FNIP1: variants seen among roughly 807,000 people sequenced by gnomAD.
The protein encoded by FNIP1 is folliculin interacting protein 1, also known as folliculin-interacting protein 1.
Under a neutral mutation model 124.5 loss-of-function variants are expected in FNIP1, and 40 were observed. The ratio of observed to expected loss-of-function variants is 0.32; its 90% confidence interval spans 0.25 to 0.42. The LOEUF (loss-of-function observed/expected upper bound fraction) is 0.42, where lower values mean the gene tolerates loss of function less well. Among genes scored for constraint, FNIP1 ranks in the 10% least tolerant of loss-of-function variants. FNIP1 has a pLI of 1.00. For missense variants in FNIP1, 1,176 were observed against 1,403.7 expected, an observed-to-expected ratio of 0.84 and a Z score of 2.59; for synonymous variants, 472 against 470.6, an observed-to-expected ratio of 1.00 and a Z score of -0.04.
chr5:131,706,634 A>C lies in FNIP1; in HGVS notation c.779-88T>G, dbSNP rs560956505. 18 of 1,302,120 alleles carry C rather than the reference A, an allele frequency of 1.4e-5. 1 individual carries two copies. The highest frequency in any genetic ancestry group is 5.9e-5 in the Admixed American group (2 of 33,918). 80.7% of individuals were successfully genotyped at this position (1,302,120 alleles called of 1,614,324 possible). Reference sequence around the variant, plus strand: ...TTTTAACAAAATTACAAATAGGTTAAGTTAAACTTTATTTTGCTTCATGAG... The same window carrying C: ...TTTTAACAAAATTACAAATAGGTTACGTTAAACTTTATTTTGCTTCATGAG... On this transcript the variant is annotated intron_variant, in intron 8 of 17. Transcript: ENST00000510461.
intron 6 of FNIP1, among the ~76,000 whole-genome samples, chr5:131,715,062 T>G (rs1769420201): frequency 6.6e-6 from 1 of 152,262 alleles, no homozygotes; most frequent in Non-Finnish European, 1.5e-5. Context: ...AAGTAAATGT[T>G]GCTCATTATT....
chr5:131,783,863 C>T (rs1772076528), intron 1 of FNIP1, among the ~76,000 whole-genome samples: 1 of 152,084 alleles, frequency 6.6e-6, no homozygotes, highest in South Asian at 2.1e-4. Flanking sequence ...AGAACAAAGA[C>T]ATTTTCAGAC....
chr5:131,774,896 C>T (rs1374432099), intron 1 of FNIP1, among the ~76,000 whole-genome samples: 1 of 152,186 alleles, frequency 6.6e-6, no homozygotes, highest in East Asian at 1.9e-4. Flanking sequence ...AATGTTTCCT[C>T]ATGCTCTCTA....
chr5:131,683,161 A>G (rs148659810), intron 11 of FNIP1, among the ~76,000 whole-genome samples: 1 of 152,110 alleles, frequency 6.6e-6, no homozygotes. Flanking sequence ...TAAGAAGTAC[A>G]TTTATCTCTT....
At chr5:131,763,157 A>G (rs1461931179) in intron 1 of FNIP1, among the ~76,000 whole-genome samples, 1 of 152,214 alleles carries the variant, frequency 6.6e-6, no homozygotes, top group Non-Finnish European at 1.5e-5. Flanking sequence ...TAAAATAACT[A>G]AAAGTATAAT....
At chr5:131,755,447 A>G (rs1300945021) in intron 1 of FNIP1, among the ~76,000 whole-genome samples, 1 of 151,878 alleles carries the variant, frequency 6.6e-6, no homozygotes, top group East Asian at 1.9e-4. Flanking sequence ...AAGAAGAAGA[A>G]AAAGAAAAAG....
At chr5:131,704,018 G>T in intron 10 of FNIP1, 47 bp downstream of exon 10, 1 of 1,427,204 alleles carries the variant, frequency 7.0e-7, no homozygotes, top group South Asian at 1.3e-5. Context: ...TTAATTGGGA[G>T]AATAAGATTT....
intron 11 of FNIP1, among the ~76,000 whole-genome samples, chr5:131,693,348 A>ATATATATATG (rs1768575851): frequency 7.5e-6 from 1 of 133,642 alleles, no homozygotes; most frequent in Non-Finnish European, 1.6e-5. Flanking sequence ...ATATATATAT[A>ATATATATATG]TATATATATA....
At chr5:131,791,744 A>G (rs578259953) in intron 1 of FNIP1, among the ~76,000 whole-genome samples, 1 of 152,350 alleles carries the variant, frequency 6.6e-6, no homozygotes, top group Non-Finnish European at 1.5e-5. Flanking sequence ...TTCAAACAAA[A>G]CTACCATAAA....
At chr5:131,693,333 C>CGTAT (rs1768563364) in intron 11 of FNIP1, among the ~76,000 whole-genome samples, 1 of 50,124 alleles carries the variant, frequency 2.0e-5, no homozygotes, top group East Asian at 4.6e-4. Context: ...TATATATATA[C>CGTAT]ATATATATAT....
intron 3 of FNIP1, among the ~76,000 whole-genome samples, chr5:131,726,513 G>T (rs889299727): frequency 6.6e-6 from 1 of 151,676 alleles, no homozygotes; most frequent in Non-Finnish European, 1.5e-5. Flanking sequence ...GTATTTCTGT[G>T]GGATCAACAC....
At chr5:131,710,321 T>A (rs769707180) in intron 7 of FNIP1, among the ~76,000 whole-genome samples, 4 of 152,214 alleles carry the variant, frequency 2.6e-5, no homozygotes, top group Admixed American at 2.6e-4. Flanking sequence ...ATTCTGAAGT[T>A]AAAATCATTA....
intron 1 of FNIP1, among the ~76,000 whole-genome samples, chr5:131,762,696 A>C (rs1580818464): frequency 6.6e-6 from 1 of 152,292 alleles, no homozygotes; most frequent in East Asian, 1.9e-4. Flanking sequence ...AGGTTCCTCA[A>C]AAAAACTAAA....
chr5:131,742,685 T>C (rs1350398244), intron 2 of FNIP1, among the ~76,000 whole-genome samples: 1 of 152,234 alleles, frequency 6.6e-6, no homozygotes, highest in Non-Finnish European at 1.5e-5. Flanking sequence ...ATAATTTACT[T>C]TCATACAGCA....
intron 1 of FNIP1, among the ~76,000 whole-genome samples, chr5:131,759,370 T>G (rs1771151547): frequency 6.6e-6 from 1 of 151,958 alleles, no homozygotes; most frequent in African/African-American, 2.4e-5. Flanking sequence ...AGGTCTAATA[T>G]CCAGAATCTG....
chr5:131,708,761 C>G (rs1769196040), intron 8 of FNIP1, among the ~76,000 whole-genome samples: 1 of 151,236 alleles, frequency 6.6e-6, no homozygotes, highest in Non-Finnish European at 1.5e-5. Context: ...TTTGCTAGAC[C>G]TACAAATTTT....
chr5:131,660,310 G>A (rs1293213023), intron 15 of FNIP1, among the ~76,000 whole-genome samples: 1 of 152,150 alleles, frequency 6.6e-6, no homozygotes, highest in Non-Finnish European at 1.5e-5. Context: ...GTTCTGCTAA[G>A]GCACAGACAT....
Position 131,681,019 on chromosome 5 carries a change from C to A in FNIP1, c.1203-1844G>T, listed in dbSNP as rs534292113. 3.5e-4 allele frequency among the ~76,000 whole-genome samples: 54 copies of A among 152,194 alleles called. 1 individual carries two copies. In the South Asian group the frequency reaches 0.011, roughly 30 times the overall value. On this transcript the variant is annotated intron_variant, in intron 11 of 17. Transcript: ENST00000510461. The stretch of plus-strand genomic sequence containing the variant: ...TCATGACAGGAGTTACGATACAGTA[C>A]TGAAAATTGGGAGACTAATTCAAAG...
chr5:131,704,499 T>A (rs1004076273), intron 9 of FNIP1, among the ~76,000 whole-genome samples: 5 of 152,140 alleles, frequency 3.3e-5, no homozygotes, highest in African/African-American at 1.2e-4. Flanking sequence ...TTTTGTCCAA[T>A]TAGAAGTAAC....
Sources: gnomAD v4.1 joint callset for allele counts (sites outside exome capture counted in the v4.1 genomes callset) on GRCh38, gnomAD v4.1.1 for gene constraint, MANE v1.5 for transcripts, NCBI Gene and HGNC (gene_info 2026-07-23, HGNC 2026-07-21) for gene names.